Variants in HIP1 observed in about 807,000 individuals in gnomAD.
The protein encoded by HIP1 is huntingtin interacting protein 1.
A neutral mutation model predicts 147.6 loss-of-function variants in HIP1; 65 were observed. That is an observed-to-expected ratio of 0.44 (90% CI 0.36 to 0.54). The LOEUF is 0.54. HIP1 is among the 20% of genes least tolerant of loss of function. The pLI, the probability that HIP1 is intolerant of heterozygous loss-of-function variation, is 0.00. For missense variants in HIP1, 1,061 were observed against 1,299.6 expected (o/e 0.82, Z 2.82); for synonymous variants, 479 against 504.0 (o/e 0.95, Z 0.67).
rs76324553 is a variant in HIP1 at position 75,554,898 on chromosome 7, C to T, written c.1964-372G>A. ...TGGGCAATAGAGTGAGACCTCGTCT[C>T]TACCAAAAATTAAAAAATTAGCCAA... is the stretch of plus-strand genomic sequence containing the variant. On this transcript the variant is annotated intron_variant, in intron 19 of 30. Coordinates refer to ENST00000336926, the MANE Select transcript of HIP1 (RefSeq NM_005338.7). 6.5e-3 allele frequency among the ~76,000 whole-genome samples: 984 copies of T among 151,870 alleles called. 16 individuals carry two copies. The highest frequency in any genetic ancestry group is 0.023 in the African/African-American group (947 of 41,412).
intron 1 of HIP1, among the ~76,000 whole-genome samples, chr7:75,731,595 T>A (rs1554523045): frequency 2.0e-5 from 3 of 151,876 alleles, no homozygotes; most frequent in Non-Finnish European, 4.4e-5. Context: ...AAGGGGTGAC[T>A]TCTTTGTGCA....
chr7:75,593,831 C>T (rs1796587274), intron 2 of HIP1, among the ~76,000 whole-genome samples: 1 of 151,946 alleles, frequency 6.6e-6, no homozygotes, highest in Non-Finnish European at 1.5e-5. Context: ...CCTCAACACC[C>T]CACTTCTTCC....
chr7:75,608,324 A>G (rs1392672501), intron 1 of HIP1, among the ~76,000 whole-genome samples: 2 of 152,186 alleles, frequency 1.3e-5, no homozygotes, highest in Non-Finnish European at 2.9e-5. Context: ...AACAAAAAAA[A>G]GAATTAAGGT....
intron 13 of HIP1, among the ~76,000 whole-genome samples, chr7:75,560,394 A>AAC (rs2116836396): frequency 6.6e-6 from 1 of 152,204 alleles, no homozygotes; most frequent in African/African-American, 2.4e-5. Context: ...CATTACAGGT[A>AAC]TGCACCACCA....
rs587722514 is a variant in HIP1 at position 75,592,556 on chromosome 7, TCACTGCAGGGGACTGAGCCTGCACCCAGC to T, written c.185-71_185-43del. 4,395 of 1,596,690 alleles carry T rather than the reference TCACTGCAGGGGACTGAGCCTGCACCCAGC, an allele frequency of 2.8e-3. 19 individuals are homozygous for T. The highest frequency in any genetic ancestry group is 0.012 in the Admixed American group (649 of 54,790). ...GAAAACAACGGATGGGCTCTGCCAG[TCACTGCAGGGGACTGAGCCTGCACCCAGC>T]CACTGCAGGGGACTGAGCCTGCACC... On this transcript the variant is annotated intron_variant, in intron 2 of 30. Coordinates refer to ENST00000336926, the MANE Select transcript of HIP1 (RefSeq NM_005338.7).
At chr7:75,722,882 C>T (rs1206566003) in intron 1 of HIP1, among the ~76,000 whole-genome samples, 2 of 152,070 alleles carry the variant, frequency 1.3e-5, no homozygotes, top group African/African-American at 2.4e-5. Context: ...CAGGATAAGA[C>T]TTTTGTGCAT....
chr7:75,615,616 C>T (rs781942891), intron 1 of HIP1, among the ~76,000 whole-genome samples: 1 of 151,966 alleles, frequency 6.6e-6, no homozygotes, highest in Non-Finnish European at 1.5e-5. Flanking sequence ...CCTTCCTGTC[C>T]TTTCCTTCCT....
At position 75,562,154 on chromosome 7, in the gene HIP1, T is replaced by C; in HGVS notation, c.1037A>G (p.Lys346Arg). Residue 346 changes from lysine (K) to arginine (R), a missense_variant, in exon 12 of 31, where the codon AAG (lysine) becomes AGG (arginine). This residue lies in a region of HIP1 where 810 missense variants were observed against 946.8 expected (regional missense o/e 0.86). Transcript: ENST00000336926. ...DASQQNLFDN[K>R]FDDIFGSSFS... ...TGAACTGCCAAAGATGTCATCAAAC[T>C]TGTTGTCAAATAAATTCTGTGGTTG... The C allele has an allele frequency of 6.2e-7, 1 of 1,613,244 alleles. No homozygotes were observed. Among genetic ancestry groups the C allele is most frequent in the East Asian group, 2.2e-5 (1 of 44,878 alleles).
chr7:75,736,078 A>G (rs1221706745), intron 1 of HIP1, among the ~76,000 whole-genome samples: 1 of 151,924 alleles, frequency 6.6e-6, no homozygotes, highest in African/African-American at 2.4e-5. Context: ...AAAAAAAAAA[A>G]GTTAAAAATA....
At chr7:75,547,614 T>A in intron 24 of HIP1, 141 bp downstream of exon 24, 1 of 742,974 alleles carries the variant, frequency 1.3e-6, no homozygotes, top group Non-Finnish European at 2.5e-6. Flanking sequence ...TTAATACTGT[T>A]ATTGATGATT....
chr7:75,563,649 G>A (rs1554495001), intron 9 of HIP1, among the ~76,000 whole-genome samples: 1 of 152,176 alleles, frequency 6.6e-6, no homozygotes, highest in African/African-American at 2.4e-5. Context: ...GAAAAGGGAA[G>A]GGAATTTTAC....
intron 1 of HIP1, among the ~76,000 whole-genome samples, chr7:75,638,003 CAT>C (rs1554509956): frequency 2.3e-4 from 10 of 43,836 alleles, no homozygotes; most frequent in South Asian, 8.7e-4. Context: ...CACACACACA[CAT>C]ACACACACAC....
intron 1 of HIP1, among the ~76,000 whole-genome samples, chr7:75,606,440 G>A (rs1226343766): frequency 6.6e-6 from 1 of 152,142 alleles, no homozygotes; most frequent in Admixed American, 6.6e-5. Context: ...TTAGCTGAGT[G>A]TGGTGGCTCA....
rs189735789 is a variant in HIP1 at position 75,555,960 on chromosome 7, G to A, written c.1827+66C>T. On this transcript the variant is annotated intron_variant, in intron 18 of 30. Transcript: ENST00000336926. Reference sequence around the variant, plus strand: ...CAGCCCCGGGGTCCTCCCAGCCTCCGTGCATGCGCAGAGGCCCTCGGTGGG... The same window carrying A: ...CAGCCCCGGGGTCCTCCCAGCCTCCATGCATGCGCAGAGGCCCTCGGTGGG... 221 of 1,586,672 alleles carry A rather than the reference G, an allele frequency of 1.4e-4. No individual in the cohort carries two copies. The African/African-American group carries it at 2.5e-3, about 18-fold the overall frequency.
At chr7:75,602,460 C>A (rs1303808096) in intron 1 of HIP1, among the ~76,000 whole-genome samples, 1 of 150,176 alleles carries the variant, frequency 6.7e-6, no homozygotes, top group Non-Finnish European at 1.5e-5. Flanking sequence ...ACTGCCACAT[C>A]CAGCTGCTGT....
chr7:75,623,424 G>A (rs782744119), intron 1 of HIP1, among the ~76,000 whole-genome samples: 2 of 152,020 alleles, frequency 1.3e-5, no homozygotes, highest in African/African-American at 2.4e-5. Context: ...AGGAGAGGAC[G>A]GGAGAGTGGC....
chr7:75,678,378 C>T (rs1322132797), intron 1 of HIP1, among the ~76,000 whole-genome samples: 1 of 140,014 alleles, frequency 7.1e-6, no homozygotes, highest in African/African-American at 2.7e-5. Context: ...GCATCTCACT[C>T]TGTCACCCAG....
chr7:75,665,432 C>A (rs1799526526), intron 1 of HIP1, among the ~76,000 whole-genome samples: 1 of 152,020 alleles, frequency 6.6e-6, no homozygotes, highest in Non-Finnish European at 1.5e-5. Context: ...ACGTGGGGCA[C>A]AAAAGGGCCA....
chr7:75,538,370 G>A (rs918953971), intron 30 of HIP1, 146 bp from the exon 31 acceptor site: 1 of 693,722 alleles, frequency 1.4e-6, no homozygotes, highest in African/African-American at 1.8e-5. Context: ...TTCGTGTCTA[G>A]GAATGACTAG....
Sources: allele counts gnomAD v4.1 joint callset (sites outside exome capture counted in the v4.1 genomes callset), GRCh38; gene constraint gnomAD v4.1.1; regional missense constraint gnomAD v4.1.1; transcripts MANE v1.5; gene names NCBI Gene and HGNC (gene_info 2026-07-23, HGNC 2026-07-21).